Variants in ARL15 observed in about 807,000 individuals in gnomAD.
ARL15 encodes the protein ARF like GTPase 15.
Under a neutral mutation model 25.2 loss-of-function variants are expected in ARL15, and 19 were observed. The observed-to-expected ratio is 0.75, with a 90% CI of 0.53 to 1.10. The LOEUF (loss-of-function observed/expected upper bound fraction) is 1.10. Among genes scored for constraint, ARL15 ranks in the 50% least tolerant of loss-of-function variants. The pLI, the probability that ARL15 is intolerant of heterozygous loss-of-function variation, is 0.00. For synonymous variants in ARL15, 94 were observed against 86.8 expected (o/e 1.08, Z -0.46); for missense variants, 220 against 246.0 (o/e 0.89, Z 0.71).
intron 4 of ARL15, among the ~76,000 whole-genome samples, chr5:53,907,840 T>C (rs1052444333): frequency 2.6e-5 from 4 of 152,050 alleles, no homozygotes; most frequent in Admixed American, 6.6e-5. Flanking sequence ...CAATGCCTAA[T>C]AACTGAAATA....
intron 4 of ARL15, among the ~76,000 whole-genome samples, chr5:54,089,912 C>T (rs1485914192): frequency 6.6e-6 from 1 of 152,092 alleles, no homozygotes; most frequent in African/African-American, 2.4e-5. Context: ...GAAAATGTCA[C>T]TTTATGCACA....
intron 3 of ARL15, among the ~76,000 whole-genome samples, chr5:54,140,461 T>TAGATAG (rs1554043186): frequency 0.071 from 8,717 of 123,244 alleles, 316 homozygotes; most frequent in Middle Eastern, 0.096. Context: ...GATAGATAGA[T>TAGATAG]AGATAGAGAT....
At chr5:54,134,037 C>A (rs534540054) in intron 3 of ARL15, among the ~76,000 whole-genome samples, 1 of 152,186 alleles carries the variant, frequency 6.6e-6, no homozygotes, top group East Asian at 1.9e-4. Context: ...AGATTACATA[C>A]AAGATAGCAG....
intron 1 of ARL15, among the ~76,000 whole-genome samples, chr5:54,225,413 T>C (rs1014786370): frequency 4.6e-5 from 7 of 152,150 alleles, no homozygotes; most frequent in African/African-American, 1.7e-4. Flanking sequence ...AGTAGATTAT[T>C]TGACAACTAG....
At chr5:54,227,760 T>C (rs1022701217) in intron 1 of ARL15, among the ~76,000 whole-genome samples, 4 of 152,228 alleles carry the variant, frequency 2.6e-5, no homozygotes, top group African/African-American at 4.8e-5. Flanking sequence ...TTTGAGCACA[T>C]TGAACAATTG....
intron 4 of ARL15, among the ~76,000 whole-genome samples, chr5:53,925,815 A>G (rs1043114211): frequency 1.3e-5 from 2 of 152,082 alleles, no homozygotes; most frequent in Admixed American, 1.3e-4. Context: ...CTTTAAAAAA[A>G]ACCAAAATAA....
chr5:54,108,400 T>G (rs1421847607), intron 4 of ARL15, among the ~76,000 whole-genome samples: 1 of 152,148 alleles, frequency 6.6e-6, no homozygotes, highest in Non-Finnish European at 1.5e-5. Context: ...CCATGTGAAA[T>G]CAAATCAGTA....
chr5:54,078,766 T>C (rs541843198), intron 4 of ARL15, among the ~76,000 whole-genome samples: 2 of 152,302 alleles, frequency 1.3e-5, no homozygotes, highest in Non-Finnish European at 2.9e-5. Flanking sequence ...TATTAAATCA[T>C]AAATAAAAAT....
chr5:54,030,229 C>A (rs890815809), intron 4 of ARL15, among the ~76,000 whole-genome samples: 1 of 151,976 alleles, frequency 6.6e-6, no homozygotes, highest in African/African-American at 2.4e-5. Context: ...ACCTGCTATA[C>A]GACAAGCAAA....
At chr5:54,140,734 A>G (rs577072321) in intron 3 of ARL15, among the ~76,000 whole-genome samples, 13 of 152,208 alleles carry the variant, frequency 8.5e-5, no homozygotes, top group African/African-American at 2.9e-4. Context: ...TAAGGTCTGG[A>G]TGGAAAACTT....
In ARL15 at chr5:54,263,138, T is replaced by G. The variant is rs569567040; in HGVS notation, c.48+47294A>C. The stretch of plus-strand genomic sequence containing the variant: ...TTTTCTTTATGGCACAATATTTTAG[T>G]TTTTTTTTTAAAGTATAATCACAGG... On this transcript the variant is annotated intron_variant, in intron 1 of 4. Coordinates refer to ENST00000504924, the MANE Select transcript of ARL15 (RefSeq NM_019087.3). Among the ~76,000 whole-genome samples, 990 of 147,750 alleles carry G rather than the reference T, an allele frequency of 6.7e-3. 11 individuals are homozygous for G. Among genetic ancestry groups the G allele is most frequent in the African/African-American group, 0.024 (949 of 39,334 alleles).
Position 54,283,095 on chromosome 5 carries a change from T to C in ARL15, c.48+27337A>G, listed in dbSNP as rs115645251. On this transcript the variant is annotated intron_variant, in intron 1 of 4. Coordinates refer to ENST00000504924, the MANE Select transcript of ARL15 (RefSeq NM_019087.3). ...CAAGTTAAAGCTTCTCCCTAAAGTT[T>C]ATAATGTCATAAATCTCAGCAATCA... is the stretch of plus-strand genomic sequence containing the variant. Among the ~76,000 whole-genome samples, 1,342 of 152,326 alleles carry C rather than the reference T, an allele frequency of 8.8e-3. 32 individuals carry two copies. The highest frequency in any genetic ancestry group is 0.031 in the African/African-American group (1,280 of 41,566).
chr5:54,217,418 G>GT (rs1756240911), intron 1 of ARL15, among the ~76,000 whole-genome samples: 1 of 152,016 alleles, frequency 6.6e-6, no homozygotes, highest in African/African-American at 2.4e-5. Context: ...AAGACAAACA[G>GT]AAGAGCAGCC....
At chr5:53,910,589 G>T (rs569168185) in intron 4 of ARL15, among the ~76,000 whole-genome samples, 1 of 135,876 alleles carries the variant, frequency 7.4e-6, no homozygotes, top group African/African-American at 2.8e-5. Flanking sequence ...AAACCTGCAC[G>T]TTGTGCACAT....
At chr5:54,279,662 G>T (rs545263510) in intron 1 of ARL15, among the ~76,000 whole-genome samples, 2 of 152,090 alleles carry the variant, frequency 1.3e-5, no homozygotes, top group African/African-American at 4.8e-5. Context: ...TTTTAGGGCC[G>T]ATTTTTATCT....
At chr5:53,915,369 T>C (rs1580075761) in intron 4 of ARL15, among the ~76,000 whole-genome samples, 1 of 152,288 alleles carries the variant, frequency 6.6e-6, no homozygotes, top group East Asian at 1.9e-4. Flanking sequence ...CGTAGGCTAC[T>C]GGGTGAAAAA....
At chr5:54,222,912 C>T (rs978238643) in intron 1 of ARL15, among the ~76,000 whole-genome samples, 3 of 151,974 alleles carry the variant, frequency 2.0e-5, no homozygotes, top group African/African-American at 4.8e-5. Context: ...CTCCGCCTCC[C>T]GGGTTCTAGT....
At chr5:54,176,560 C>T (rs1417863006) in intron 1 of ARL15, among the ~76,000 whole-genome samples, 2 of 152,142 alleles carry the variant, frequency 1.3e-5, no homozygotes, top group East Asian at 1.9e-4. Flanking sequence ...TAAGAGTAAG[C>T]CCCTTTCACT....
At chr5:54,057,050 T>C (rs1459668945) in intron 4 of ARL15, among the ~76,000 whole-genome samples, 1 of 146,074 alleles carries the variant, frequency 6.8e-6, no homozygotes, top group East Asian at 2.0e-4. Context: ...GAAAGAAAAA[T>C]GTATAGTCTA....
Sources: gnomAD v4.1 joint callset for allele counts (sites outside exome capture counted in the v4.1 genomes callset) on GRCh38, gnomAD v4.1.1 for gene constraint, MANE v1.5 for transcripts, NCBI Gene and HGNC (gene_info 2026-07-23, HGNC 2026-07-21) for gene names.